PTPRD: variants seen among roughly 807,000 people sequenced by gnomAD.
PTPRD encodes the protein protein tyrosine phosphatase receptor type D.
A neutral mutation model predicts 214.5 loss-of-function variants in PTPRD; 34 were observed. That is an observed-to-expected ratio of 0.16 (90% CI 0.12 to 0.21). PTPRD has a LOEUF of 0.21. Among genes scored for constraint, PTPRD ranks in the 10% least tolerant of loss-of-function variants. The pLI, the probability that PTPRD is intolerant of heterozygous loss-of-function variation, is 1.00. For missense variants in PTPRD, 2,545 were observed against 2,398.7 expected, an observed-to-expected ratio of 1.06 and a Z score of -1.27; for synonymous variants, 1,128 against 845.7, an observed-to-expected ratio of 1.33 and a Z score of -5.79.
At chr9:10,479,088 T>C (rs200510901) in intron 2 of PTPRD, among the ~76,000 whole-genome samples, 1 of 152,282 alleles carries the variant, frequency 6.6e-6, no homozygotes, top group East Asian at 1.9e-4. Flanking sequence ...TTCCTGGTAG[T>C]GTTTTCCATA....
rs568302461 is a variant in PTPRD, at chr9:8,880,964, G to A, written c.-104+137733C>T. 6.6e-5 allele frequency among the ~76,000 whole-genome samples: 10 copies of A among 152,012 alleles called. No homozygotes were observed. In the South Asian group the frequency reaches 1.0e-3, roughly 16 times the overall value. ...ATATTTTTTGTAGAGACAGGGTTTC[G>A]CCATGTTCCTCAAGCTGGTGTCGAA... On this transcript the variant is annotated intron_variant, in intron 11 of 45. Transcript: ENST00000381196.
chr9:8,735,819 G>C (rs1272830412), intron 11 of PTPRD, among the ~76,000 whole-genome samples: 1 of 151,548 alleles, frequency 6.6e-6, no homozygotes, highest in African/African-American at 2.4e-5. Flanking sequence ...CGCTGAGGCA[G>C]GAGAATCACT....
At chr9:9,340,747 A>T (rs2046467371) in intron 9 of PTPRD, among the ~76,000 whole-genome samples, 1 of 152,246 alleles carries the variant, frequency 6.6e-6, no homozygotes, top group African/African-American at 2.4e-5. Flanking sequence ...CCACCAGAAT[A>T]AACACAAGTC....
At chr9:9,070,343 T>C (rs565459526) in intron 10 of PTPRD, among the ~76,000 whole-genome samples, 2 of 152,196 alleles carry the variant, frequency 1.3e-5, no homozygotes, top group Non-Finnish European at 2.9e-5. Context: ...TTTCATTCCA[T>C]TATAGAAATA....
intron 8 of PTPRD, among the ~76,000 whole-genome samples, chr9:9,464,111 C>T (rs1224464116): frequency 6.6e-6 from 1 of 152,168 alleles, no homozygotes; most frequent in Non-Finnish European, 1.5e-5. Flanking sequence ...GATCTCACTT[C>T]TCGGCTGCAG....
At chr9:10,413,743 A>T (rs1184308354) in intron 2 of PTPRD, among the ~76,000 whole-genome samples, 1 of 151,996 alleles carries the variant, frequency 6.6e-6, no homozygotes, top group Non-Finnish European at 1.5e-5. Context: ...ACAGCAAGAT[A>T]TTGGTACAAA....
intron 4 of PTPRD, among the ~76,000 whole-genome samples, chr9:10,029,192 C>T (rs1332368873): frequency 6.6e-6 from 1 of 152,162 alleles, no homozygotes; most frequent in African/African-American, 2.4e-5. Context: ...ACAGAAATAC[C>T]TGGATGTCCA....
chr9:10,513,214 C>T (rs146536291), intron 2 of PTPRD, among the ~76,000 whole-genome samples: 4 of 150,966 alleles, frequency 2.6e-5, no homozygotes, highest in Non-Finnish European at 5.9e-5. Flanking sequence ...TTTAATGAAG[C>T]GTTTATTTTA....
intron 9 of PTPRD, among the ~76,000 whole-genome samples, chr9:9,256,142 G>A: frequency 6.6e-6 from 1 of 151,934 alleles, no homozygotes; most frequent in East Asian, 1.9e-4. Flanking sequence ...TGTATAGAGT[G>A]GCCTTAGAAA....
At chr9:9,592,559 C>A (rs972509302) in intron 7 of PTPRD, among the ~76,000 whole-genome samples, 3 of 151,906 alleles carry the variant, frequency 2.0e-5, no homozygotes, top group African/African-American at 7.3e-5. Flanking sequence ...GAGCATCGAG[C>A]AAATCAATCT....
intron 2 of PTPRD, among the ~76,000 whole-genome samples, chr9:10,572,018 G>A (rs1287567405): frequency 2.0e-5 from 3 of 152,050 alleles, no homozygotes; most frequent in Admixed American, 6.6e-5. Context: ...TTGAAATACT[G>A]TGCATGCTTC....
chr9:8,675,691 T>C (rs59819097), intron 12 of PTPRD, among the ~76,000 whole-genome samples: 7,969 of 152,062 alleles, frequency 0.052, 732 homozygotes, highest in African/African-American at 0.18. Context: ...TGTGGACCCA[T>C]CATCTCACGT....
At chr9:8,905,171 C>A (rs1455909242) in intron 11 of PTPRD, among the ~76,000 whole-genome samples, 3 of 152,128 alleles carry the variant, frequency 2.0e-5, no homozygotes. Context: ...ATGTAACATG[C>A]AAATCAATCC....
Position 9,036,098 on chromosome 9 carries a change from A to G in PTPRD, c.-142-17363T>C, listed in dbSNP as rs2099620853. Among the ~76,000 whole-genome samples the G allele has an allele frequency of 2.0e-5, 3 of 152,088 alleles. No homozygotes were observed. In the South Asian group the frequency reaches 6.2e-4, roughly 31 times the overall value. ...AGACTTTCAACTGACTGACTCACTA[A>G]TAAAGATTATTCTCCTTTTGCCATC... On this transcript the variant is annotated intron_variant, in intron 10 of 45. Coordinates refer to ENST00000381196, the MANE Select transcript of PTPRD (RefSeq NM_002839.4).
intron 2 of PTPRD, among the ~76,000 whole-genome samples, chr9:10,437,643 A>G (rs984825778): frequency 1.3e-5 from 2 of 151,738 alleles, no homozygotes; most frequent in African/African-American, 4.8e-5. Flanking sequence ...CTACTTTTTA[A>G]TATCTGTTAT....
chr9:8,832,945 T>C (rs1042421448), intron 11 of PTPRD, among the ~76,000 whole-genome samples: 1 of 152,098 alleles, frequency 6.6e-6, no homozygotes, highest in Non-Finnish European at 1.5e-5. Context: ...AAATTTAATA[T>C]CTACTCTTCA....
chr9:10,477,822 C>T (rs1360788965), intron 2 of PTPRD, among the ~76,000 whole-genome samples: 1 of 152,004 alleles, frequency 6.6e-6, no homozygotes, highest in Non-Finnish European at 1.5e-5. Flanking sequence ...GAGTTCATGT[C>T]CTTTGCAGTA....
chr9:10,231,956 TAGAGAGAG>T (rs56151511), intron 3 of PTPRD, among the ~76,000 whole-genome samples: 14,885 of 108,026 alleles, frequency 0.14, 1,136 homozygotes, highest in East Asian at 0.23. Context: ...GGGAATGAAT[TAGAGAGAG>T]AGAGAGAGAG....
chr9:9,204,797 A>G (rs1259036274), intron 9 of PTPRD, among the ~76,000 whole-genome samples: 2 of 152,180 alleles, frequency 1.3e-5, no homozygotes, highest in Non-Finnish European at 2.9e-5. Context: ...TATATTGTAT[A>G]TTAAAAATGA....
Sources: allele counts gnomAD v4.1 joint callset (sites outside exome capture counted in the v4.1 genomes callset), GRCh38; gene constraint gnomAD v4.1.1; transcripts MANE v1.5; gene names NCBI Gene and HGNC (gene_info 2026-07-23, HGNC 2026-07-21).